MEGF6: variants seen among roughly 807,000 people sequenced by gnomAD.
MEGF6 encodes the protein multiple EGF like domains 6.
In MEGF6, 184 loss-of-function variants were observed where a neutral mutation model predicts 207.1. The ratio of observed to expected loss-of-function variants is 0.89; its 90% CI spans 0.79 to 1.00. The LOEUF is 1.00. MEGF6 is among the 50% of genes least tolerant of loss of function. MEGF6 has a pLI of 0.00. For synonymous variants in MEGF6, 1,038 were observed against 910.0 expected (o/e 1.14, Z -2.53); for missense variants, 2,282 against 2,202.9 (o/e 1.04, Z -0.72).
intron 1 of MEGF6, among the ~76,000 whole-genome samples, chr1:3,610,771 A>C (rs564760212): frequency 1.3e-5 from 2 of 152,338 alleles, no homozygotes; most frequent in Admixed American, 1.3e-4. Flanking sequence ...GGGAAGCGGG[A>C]ACAGACGGCT....
chr1:3,595,412 G>C lies in MEGF6; in HGVS notation c.302C>G (p.Thr101Ser). 2 of 1,612,706 alleles carry C rather than the reference G, an allele frequency of 1.2e-6. No individual in the cohort carries two copies. The highest frequency in any genetic ancestry group is 1.7e-6 in the Non-Finnish European group (2 of 1,179,918). ...CCTGAGCACGGTCCGGGCCTCCGTGGTATACACCTGCCTGTAGCCCATGTA... is the reference window on the plus strand; with the variant it reads ...CCTGAGCACGGTCCGGGCCTCCGTGCTATACACCTGCCTGTAGCCCATGTA... ...VYYMGYRQVY[T>S]TEARTVLRCC... The change falls in exon 3 of 37, where the codon ACC (threonine) becomes AGC (serine). Residue 101 changes from threonine (T) to serine (S), a missense_variant. Physicochemically the swap from Thr to Ser is moderately conservative, Grantham distance 58. Transcript: ENST00000356575.
chr1:3,503,452 G>A (rs1180402987), intron 17 of MEGF6, among the ~76,000 whole-genome samples: 1 of 152,078 alleles, frequency 6.6e-6, no homozygotes, highest in East Asian at 1.9e-4. Context: ...GGCTCTTAAA[G>A]AAAAGAGGGG....
At chr1:3,595,539 A>G in intron 2 of MEGF6, 92 bp from the exon 3 acceptor site, 2 of 1,149,682 alleles carry the variant, frequency 1.7e-6, no homozygotes, top group Non-Finnish European at 1.3e-6. Flanking sequence ...ACTCTGCGTC[A>G]GCCGGGTTCC....
Position 3,594,637 on chromosome 1 carries a change from C to G in MEGF6, c.376+701G>C, listed in dbSNP as rs990093821. ...CCCTTTGCCCAGGCGGTTTCACTGGCGGGGCTTCTGTCCCCATGCCTGAAA... is the reference window on the plus strand; with the variant it reads ...CCCTTTGCCCAGGCGGTTTCACTGGGGGGGCTTCTGTCCCCATGCCTGAAA... On this transcript the variant is annotated intron_variant, in intron 3 of 36. Coordinates refer to ENST00000356575, the MANE Select transcript of MEGF6 (RefSeq NM_001409.4). This position sits in a 1 kb window ranked among gnomAD's most constrained non-coding sequence, Gnocchi z 4.2. Among the ~76,000 whole-genome samples, 8 of 152,086 alleles carry G rather than the reference C, an allele frequency of 5.3e-5. No homozygotes were observed. The highest frequency in any genetic ancestry group is 1.9e-4 in the African/African-American group (8 of 41,406).
At chr1:3,591,262 C>T (rs956013952) in intron 3 of MEGF6, among the ~76,000 whole-genome samples, 5 of 152,196 alleles carry the variant, frequency 3.3e-5, no homozygotes, top group Non-Finnish European at 5.9e-5. Context: ...CAGCTGAGCA[C>T]GGGGAGGCAG....
chr1:3,521,597 C>G (rs1044971101), intron 5 of MEGF6, among the ~76,000 whole-genome samples: 4 of 152,198 alleles, frequency 2.6e-5, no homozygotes, highest in African/African-American at 9.6e-5. Context: ...ACACGCCTGG[C>G]TTTGCCTGGG....
chr1:3,497,499 C>A (rs1640661396), intron 26 of MEGF6, 138 bp from the exon 27 acceptor site: 1 of 1,171,630 alleles, frequency 8.5e-7, no homozygotes, highest in African/African-American at 1.6e-5. Context: ...ACCATTCTCA[C>A]ACCTGGAGCC....
Position 3,534,072 on chromosome 1 carries a change from G to A in MEGF6, c.482-9826C>T, listed in dbSNP as rs771547441. ...GAGGGAGGAGCCCAGGAGCCGCTGCGCGAGGCCCCAAGCAGGGAAGGTCAG... is the reference window on the plus strand; with the variant it reads ...GAGGGAGGAGCCCAGGAGCCGCTGCACGAGGCCCCAAGCAGGGAAGGTCAG... On this transcript the variant is annotated intron_variant, in intron 4 of 36. Transcript: ENST00000356575. Among the ~76,000 whole-genome samples the A allele has an allele frequency of 2.3e-4, 35 of 152,234 alleles. No homozygotes were observed. The East Asian group carries it at 3.3e-3, about 14-fold the overall frequency.
At chr1:3,497,823 T>C (rs1253484378) in intron 26 of MEGF6, among the ~76,000 whole-genome samples, 1 of 152,116 alleles carries the variant, frequency 6.6e-6, no homozygotes, top group East Asian at 1.9e-4. Context: ...ACCGCCCAAG[T>C]TGTACCCCAA....
At chr1:3,563,588 A>T in intron 4 of MEGF6, among the ~76,000 whole-genome samples, 1 of 152,190 alleles carries the variant, frequency 6.6e-6, no homozygotes, top group East Asian at 1.9e-4. Flanking sequence ...AGAAGAACGC[A>T]CTTTGCTGAC....
intron 35 of MEGF6, among the ~76,000 whole-genome samples, 170 bp downstream of exon 35, chr1:3,492,469 G>A (rs1466305820): frequency 1.3e-5 from 2 of 152,196 alleles, no homozygotes; most frequent in Non-Finnish European, 2.9e-5. Context: ...CAGAAGCCAA[G>A]TGACACTCTG....
intron 4 of MEGF6, among the ~76,000 whole-genome samples, chr1:3,568,881 G>A (rs1643422700): frequency 6.6e-6 from 1 of 152,104 alleles, no homozygotes; most frequent in South Asian, 2.1e-4. Context: ...CAGGGTGCAG[G>A]TCTGCACCCC....
At position 3,494,751 on chromosome 1, in the gene MEGF6, G is replaced by T; in HGVS notation, c.3872-10C>A. 6.4e-7 allele frequency: 1 copy of T among 1,558,550 alleles called. No individual in the cohort carries two copies. Among genetic ancestry groups the T allele is most frequent in the Non-Finnish European group, 8.7e-7 (1 of 1,147,960 alleles). ...CGGTTCTGGGGGCAGCCTGGAGACA[G>T]AAGGCAGGTGCTGCCTGGAGCTCTG... is the stretch of plus-strand genomic sequence containing the variant. On this transcript the variant is annotated splice_polypyrimidine_tract_variant and intron_variant, in intron 30 of 36. Transcript: ENST00000356575.
rs1300787036 is a variant in MEGF6, at chr1:3,594,733, T to G, written c.376+605A>C. ...AAGCAGAGGCTTGAGAGCCGCCCGC[T>G]CAGCTCAGACCACCCAATTCCAGTC... On this transcript the variant is annotated intron_variant, in intron 3 of 36. Coordinates refer to ENST00000356575, the MANE Select transcript of MEGF6 (RefSeq NM_001409.4). The surrounding 1 kb of genome is among the most constrained non-coding windows in gnomAD (Gnocchi z 4.2). Among the ~76,000 whole-genome samples the G allele has an allele frequency of 6.6e-6, 1 of 152,074 alleles. No homozygotes were observed. The highest frequency in any genetic ancestry group is 1.9e-4 in the East Asian group (1 of 5,182).
chr1:3,514,901 C>T (rs575476556), intron 6 of MEGF6, among the ~76,000 whole-genome samples: 143 of 152,310 alleles, frequency 9.4e-4, no homozygotes, highest in African/African-American at 3.2e-3. Context: ...GGTCAGGCAG[C>T]GGCCCAGGCC....
chr1:3,556,102 C>A lies in MEGF6; in HGVS notation c.481+23723G>T, dbSNP rs889135584. Among the ~76,000 whole-genome samples the A allele has an allele frequency of 1.3e-5, 2 of 152,214 alleles. No individual in the cohort carries two copies. The highest frequency in any genetic ancestry group is 2.4e-5 in the African/African-American group (1 of 41,456). On this transcript the variant is annotated intron_variant, in intron 4 of 36. Transcript: ENST00000356575. This position sits in a 1 kb window ranked among gnomAD's most constrained non-coding sequence, Gnocchi z 4.4. ...TGGGTTCAGAGACCTTGGGGGTGGG[C>A]TCCACCTGTTACAGCAGGAGTGGCC...
intron 4 of MEGF6, among the ~76,000 whole-genome samples, chr1:3,541,743 G>C (rs1642529075): frequency 1.3e-5 from 2 of 151,288 alleles, no homozygotes; most frequent in African/African-American, 4.8e-5. Context: ...GAAAGGCCGA[G>C]CCCACAGTGG....
At position 3,491,740 on chromosome 1, in the gene MEGF6, T is replaced by C. The variant is rs543292330; in HGVS notation, c.4517-781A>G. 7.2e-5 allele frequency among the ~76,000 whole-genome samples: 10 copies of C among 138,408 alleles called. No homozygotes were observed. The South Asian group carries it at 2.5e-3, about 34-fold the overall frequency. The allele number at this position is 138,408 out of a possible 152,430, so 90.8% of individuals were successfully genotyped here. A position where few individuals can be genotyped will look rare whatever the true frequency, so the allele number is the denominator to read the frequency against. ...CCACTTCCCTCTGCAGAGACAACCTTTCCCAACACCGCTGGGGGGTACACG... is the reference window on the plus strand; with the variant it reads ...CCACTTCCCTCTGCAGAGACAACCTCTCCCAACACCGCTGGGGGGTACACG... On this transcript the variant is annotated intron_variant, in intron 35 of 36. Transcript: ENST00000356575.
In MEGF6 at chr1:3,496,555, A is replaced by T; in HGVS notation, c.3742+100T>A. ...GCCCAGCCAGAGGGGGCTGAAGGGC[A>T]GGGAGGTGGGCAGTCGGGGGCCATC... On this transcript the variant is annotated intron_variant, in intron 29 of 36. Coordinates refer to ENST00000356575, the MANE Select transcript of MEGF6 (RefSeq NM_001409.4). 2.0e-6 allele frequency: 3 copies of T among 1,504,216 alleles called. No individual in the cohort carries two copies. The East Asian group carries it at 7.4e-5, about 37-fold the overall frequency. The allele number at this position is 1,504,216 out of a possible 1,614,324, so 93.2% of individuals were successfully genotyped here. A position where few individuals can be genotyped will look rare whatever the true frequency, so the allele number is the denominator to read the frequency against.
Sources: gnomAD v4.1 joint callset for allele counts (sites outside exome capture counted in the v4.1 genomes callset) on GRCh38, gnomAD v4.1.1 for gene constraint, Gnocchi (gnomAD v3.1) non-coding constraint, MANE v1.5 for transcripts, NCBI Gene and HGNC (gene_info 2026-07-23, HGNC 2026-07-21) for gene names.